The following SYNPR variants were observed in gnomAD, a reference collection of about 807,000 sequenced individuals.
SYNPR encodes synaptoporin.
Under a neutral mutation model 32.9 loss-of-function variants are expected in SYNPR, and 23 were observed. The ratio of observed to expected loss-of-function variants is 0.70; its 90% CI spans 0.50 to 0.99. SYNPR has a LOEUF of 0.99. Ranked by LOEUF, SYNPR falls within the 50% of genes least tolerant of loss-of-function variation. SYNPR has a pLI of 0.00. For synonymous variants in SYNPR, 146 were observed against 135.9 expected, an observed-to-expected ratio of 1.07 and a Z score of -0.52; for missense variants, 318 against 349.3, an observed-to-expected ratio of 0.91 and a Z score of 0.71.
intron 2 of SYNPR, among the ~76,000 whole-genome samples, chr3:63,440,601 C>T (rs9810713): frequency 0.18 from 27,061 of 152,010 alleles, 2,829 homozygotes; most frequent in East Asian, 0.42. Context: ...GAAAAAAATA[C>T]GAGGCAGAAA....
At chr3:63,505,574 G>C (rs1432989015) in intron 3 of SYNPR, among the ~76,000 whole-genome samples, 1 of 152,120 alleles carries the variant, frequency 6.6e-6, no homozygotes, top group Admixed American at 6.6e-5. Context: ...TGGGTTATTT[G>C]TGGGTCTGCT....
intron 3 of SYNPR, among the ~76,000 whole-genome samples, chr3:63,539,941 C>A (rs1378144456): frequency 6.6e-6 from 1 of 152,098 alleles, no homozygotes; most frequent in Non-Finnish European, 1.5e-5. Context: ...TTAACTTTCC[C>A]ACACTTCCAG....
At chr3:63,476,470 G>A (rs1246656974) in intron 2 of SYNPR, among the ~76,000 whole-genome samples, 1 of 152,154 alleles carries the variant, frequency 6.6e-6, no homozygotes, top group East Asian at 1.9e-4. Flanking sequence ...CTTTGGTAAT[G>A]AGCTTCCAGA....
chr3:63,584,006 T>C (rs1238037987), intron 4 of SYNPR, among the ~76,000 whole-genome samples: 1 of 151,882 alleles, frequency 6.6e-6, no homozygotes, highest in Non-Finnish European at 1.5e-5. Context: ...ATGGGGGTGA[T>C]AGAGGAGAAA....
chr3:63,371,183 C>T (rs1460901296), intron 2 of SYNPR, among the ~76,000 whole-genome samples: 1 of 152,088 alleles, frequency 6.6e-6, no homozygotes, highest in Admixed American at 6.6e-5. Context: ...GGAACCCACA[C>T]TTCTACCATG....
At chr3:63,465,742 C>G (rs911146786) in intron 2 of SYNPR, among the ~76,000 whole-genome samples, 1 of 152,024 alleles carries the variant, frequency 6.6e-6, no homozygotes, top group African/African-American at 2.4e-5. Flanking sequence ...ACAAAAATAC[C>G]ACAATATATC....
intron 3 of SYNPR, among the ~76,000 whole-genome samples, chr3:63,542,157 T>C (rs560121033): frequency 2.0e-5 from 3 of 152,244 alleles, no homozygotes. Context: ...AACTAGAATC[T>C]CGTTCTCTCT....
intron 2 of SYNPR, among the ~76,000 whole-genome samples, chr3:63,323,185 A>G (rs1490460626): frequency 6.6e-6 from 1 of 152,086 alleles, no homozygotes; most frequent in Non-Finnish European, 1.5e-5. Context: ...TTCTTGCCCA[A>G]CTGAGCGCTT....
chr3:63,281,024 T>C (rs1195524305), intron 2 of SYNPR, among the ~76,000 whole-genome samples: 1 of 152,184 alleles, frequency 6.6e-6, no homozygotes, highest in Non-Finnish European at 1.5e-5. Flanking sequence ...TACTAGTTGC[T>C]GAAAAAGCTA....
At chr3:63,594,976 G>A (rs776511291) in intron 4 of SYNPR, among the ~76,000 whole-genome samples, 1 of 152,180 alleles carries the variant, frequency 6.6e-6, no homozygotes, top group Non-Finnish European at 1.5e-5. Flanking sequence ...CATGCTTGGA[G>A]AAAACACACA....
chr3:63,220,278 A>AT, the SYNPR span, among the ~76,000 whole-genome samples: 18 of 152,200 alleles, frequency 1.2e-4, no homozygotes, highest in African/African-American at 4.3e-4. Flanking sequence ...ATTAAAAACT[A>AT]TTTTGCAGAT....
intron 2 of SYNPR, among the ~76,000 whole-genome samples, chr3:63,402,787 G>A (rs780255173): frequency 1.8e-4 from 27 of 152,204 alleles, no homozygotes; most frequent in Non-Finnish European, 2.8e-4. Flanking sequence ...GGCAGCTGGA[G>A]GAATATTTGT....
intron 3 of SYNPR, among the ~76,000 whole-genome samples, chr3:63,549,641 C>G (rs1702467357): frequency 6.6e-6 from 1 of 152,280 alleles, no homozygotes; most frequent in East Asian, 1.9e-4. Context: ...GTTGTTATTA[C>G]AAACATTTCT....
chr3:63,525,016 A>C (rs1701986336), intron 3 of SYNPR, among the ~76,000 whole-genome samples: 1 of 152,062 alleles, frequency 6.6e-6, no homozygotes, highest in South Asian at 2.1e-4. Context: ...AGCTGTGTCT[A>C]TGTGACCATA....
intron 3 of SYNPR, among the ~76,000 whole-genome samples, chr3:63,540,031 C>T (rs1042266003): frequency 6.6e-6 from 1 of 152,054 alleles, no homozygotes; most frequent in Admixed American, 6.6e-5. Context: ...ATGTAGGAGG[C>T]ATATCAATAT....
At chr3:63,288,229 G>T (rs2086704732) in intron 2 of SYNPR, among the ~76,000 whole-genome samples, 1 of 152,192 alleles carries the variant, frequency 6.6e-6, no homozygotes, top group African/African-American at 2.4e-5. Context: ...CTTGTGGCCT[G>T]AATAAAAAGG....
chr3:63,377,121 T>C (rs1199476694), intron 2 of SYNPR, among the ~76,000 whole-genome samples: 1 of 152,190 alleles, frequency 6.6e-6, no homozygotes, highest in East Asian at 1.9e-4. Flanking sequence ...AAGGTTAAAA[T>C]AAAATCCAAG....
chr3:63,440,197 G>A (rs554007767), intron 2 of SYNPR, among the ~76,000 whole-genome samples: 9 of 152,258 alleles, frequency 5.9e-5, no homozygotes, highest in African/African-American at 2.2e-4. Flanking sequence ...AAGGAAGAGA[G>A]GGCAGGAAAA....
At chr3:63,221,847 C>G in the SYNPR span, among the ~76,000 whole-genome samples, 7 of 151,868 alleles carry the variant, frequency 4.6e-5, no homozygotes, top group Non-Finnish European at 1.0e-4. Context: ...ATTTATACCA[C>G]AAGGAGCTAT....
Sources: allele counts gnomAD v4.1 joint callset (sites outside exome capture counted in the v4.1 genomes callset), GRCh38; gene constraint gnomAD v4.1.1; transcripts MANE v1.5; gene names NCBI Gene and HGNC (gene_info 2026-07-23, HGNC 2026-07-21).